TTC34: variants seen among roughly 807,000 people sequenced by gnomAD.
TTC34 encodes the protein tetratricopeptide repeat protein 34.
TTC34 carries 44 observed loss-of-function variants against 40.7 expected under a neutral mutation model. The ratio of observed to expected loss-of-function variants is 1.08; its 90% CI spans 0.85 to 1.39. The LOEUF (loss-of-function observed/expected upper bound fraction) is 1.39. Ranked by LOEUF, TTC34 falls within the 40% of genes most tolerant of loss-of-function variation. TTC34 has a pLI of 0.00. For missense variants in TTC34, 884 were observed against 838.0 expected (o/e 1.05, Z -0.68); for synonymous variants, 422 against 398.6 (o/e 1.06, Z -0.70).
At chr1:2,778,950 A>G (rs1157787850) in intron 6 of TTC34, among the ~76,000 whole-genome samples, 1 of 151,850 alleles carries the variant, frequency 6.6e-6, no homozygotes, top group Non-Finnish European at 1.5e-5. Context: ...CCAGGCACCC[A>G]CCATTCTGCT....
Position 2,796,147 on chromosome 1 carries a change from C to A in TTC34, c.784+3897G>T, listed in dbSNP as rs1339587761. Reference sequence around the variant, plus strand: ...TCCGAATCCCCAAGCCTGTTGGGGCCTTGGTTTTGGGCTTCCAGCGTCCAG... The same window carrying A: ...TCCGAATCCCCAAGCCTGTTGGGGCATTGGTTTTGGGCTTCCAGCGTCCAG... On this transcript the variant is annotated intron_variant, in intron 2 of 8. Coordinates refer to ENST00000401095, the Ensembl canonical transcript of TTC34. This position sits in a 1 kb window ranked among gnomAD's most constrained non-coding sequence, Gnocchi z 4.5. Among the ~76,000 whole-genome samples the A allele has an allele frequency of 6.6e-6, 1 of 152,162 alleles. No individual in the cohort carries two copies. The highest frequency in any genetic ancestry group is 1.5e-5 in the Non-Finnish European group (1 of 68,032).
At chr1:2,653,684 C>G (rs1639233288) in intron 6 of TTC34, among the ~76,000 whole-genome samples, 1 of 152,042 alleles carries the variant, frequency 6.6e-6, no homozygotes, top group Admixed American at 6.5e-5. Flanking sequence ...GGAACAGCAC[C>G]CACACCCCCA....
At chr1:2,768,461 T>A (rs1201468470) in intron 6 of TTC34, among the ~76,000 whole-genome samples, 2 of 148,448 alleles carry the variant, frequency 1.3e-5, no homozygotes, top group African/African-American at 5.0e-5. Flanking sequence ...CCCCACAACT[T>A]CAAATAAGAA....
At chr1:2,799,996 G>A (rs376033013) in intron 2 of TTC34, 48 bp downstream of exon 2, 11 of 398,466 alleles carry the variant, frequency 2.8e-5, no homozygotes, top group South Asian at 2.6e-4. Flanking sequence ...AGGGAGTGGC[G>A]GGGGCAGCTT....
chr1:2,645,499 C>A lies in TTC34; in HGVS notation c.2291G>T (p.Arg764Leu), dbSNP rs575007693. The A allele has an allele frequency of 2.2e-5, 31 of 1,437,806 alleles. No homozygotes were observed. Among genetic ancestry groups the A allele is most frequent in the Non-Finnish European group, 2.6e-5 (28 of 1,090,992 alleles). The allele number at this position is 1,437,806 out of a possible 1,614,324, so 89.1% of individuals were successfully genotyped here. A position where few individuals can be genotyped will look rare whatever the true frequency, so the allele number is the denominator to read the frequency against. The change falls in exon 7 of 9, where the codon CGC becomes CTC. Residue 764 changes from arginine to leucine, a missense_variant. By Grantham distance (102) the Arg-to-Leu change is moderately radical (BLOSUM62 -2). Coordinates refer to ENST00000401095, the Ensembl canonical transcript of TTC34. This position sits in a 1 kb window ranked among gnomAD's most constrained non-coding sequence, Gnocchi z 4.7. ...GGCCTGGGCTTCCGGCTTCAGAGAGCGGAGCTCAGGGACCACAGTCCCGGG... is the reference window on the plus strand; with the variant it reads ...GGCCTGGGCTTCCGGCTTCAGAGAGAGGAGCTCAGGGACCACAGTCCCGGG...
chr1:2,749,437 C>T (rs1641245032), intron 6 of TTC34, among the ~76,000 whole-genome samples: 3 of 142,794 alleles, frequency 2.1e-5, no homozygotes, highest in African/African-American at 5.3e-5. Context: ...TGGAACAGCA[C>T]CGACACCCCC....
At chr1:2,794,181 A>T (rs1308490554) in intron 2 of TTC34, among the ~76,000 whole-genome samples, 6 of 151,788 alleles carry the variant, frequency 4.0e-5, no homozygotes, top group East Asian at 3.9e-4. Flanking sequence ...TATTTTAAAA[A>T]TTTTTTGTAG....
At chr1:2,752,991 G>C (rs1188257959) in intron 6 of TTC34, among the ~76,000 whole-genome samples, 40 of 108,130 alleles carry the variant, frequency 3.7e-4, no homozygotes, top group African/African-American at 1.4e-3. Flanking sequence ...GTGAGCATCT[G>C]ACCGCATGGA....
intron 6 of TTC34, among the ~76,000 whole-genome samples, chr1:2,750,915 C>T: frequency 1.3e-5 from 1 of 79,928 alleles, no homozygotes; most frequent in Non-Finnish European, 2.3e-5. Context: ...ACGCACGGAG[C>T]AGCACCCACA....
At chr1:2,789,812 G>A in exon 3 of TTC34, 1 of 458,214 alleles carries the variant, frequency 2.2e-6, no homozygotes, top group East Asian at 3.6e-5. Context: ...CTCCACTACC[G>A]TCTGGAAGTC....
At chr1:2,684,832 C>G (rs1463237113) in intron 6 of TTC34, among the ~76,000 whole-genome samples, 2 of 117,324 alleles carry the variant, frequency 1.7e-5, no homozygotes, top group Admixed American at 1.7e-4. Flanking sequence ...CAGCAGCACC[C>G]CACACCCACA....
chr1:2,641,195 G>T, exon 9 of TTC34: 1 of 586,198 alleles, frequency 1.7e-6, no homozygotes, highest in Non-Finnish European at 2.7e-6. Flanking sequence ...TTGGGAAGGG[G>T]GGTTGTGGGG....
chr1:2,752,172 A>AGC (rs1641340995), intron 6 of TTC34, among the ~76,000 whole-genome samples: 4 of 100,206 alleles, frequency 4.0e-5, no homozygotes, highest in African/African-American at 4.9e-5. Context: ...ACCCACACCA[A>AGC]CAGGTGAGCA....
At chr1:2,695,695 A>G (rs1386155871) in intron 6 of TTC34, among the ~76,000 whole-genome samples, 2 of 147,404 alleles carry the variant, frequency 1.4e-5, no homozygotes, top group Admixed American at 6.7e-5. Flanking sequence ...AGCATCTGAC[A>G]GCCTGGAACA....
At chr1:2,792,006 C>CTTTTTTGTTTTTTTTTT (rs1643668279) in intron 2 of TTC34, among the ~76,000 whole-genome samples, 3 of 39,560 alleles carry the variant, frequency 7.6e-5, no homozygotes, top group African/African-American at 2.5e-4. Flanking sequence ...TTGCCATATG[C>CTTTTTTGTTTTTTTTTT]TTTTTTTTTT....
intron 6 of TTC34, among the ~76,000 whole-genome samples, chr1:2,750,384 A>G (rs1324639627): frequency 3.4e-4 from 37 of 110,132 alleles, no homozygotes; most frequent in South Asian, 1.7e-3. Context: ...AGCATCTGAC[A>G]GCCTGGAACA....
At chr1:2,783,848 CGG>C in intron 5 of TTC34, 73 bp from the exon 6 acceptor site, 1 of 1,325,832 alleles carries the variant, frequency 7.5e-7, no homozygotes, top group Non-Finnish European at 9.8e-7. Flanking sequence ...CTGCCCAGCC[CGG>C]GGAGGGCAGA....
chr1:2,645,215 C>A lies in TTC34; in HGVS notation c.2497+78G>T. 1 of 1,358,104 alleles carries A rather than the reference C, an allele frequency of 7.4e-7. No homozygotes were observed. The highest frequency in any genetic ancestry group is 1.8e-5 in the South Asian group (1 of 54,960). The allele number at this position is 1,358,104 out of a possible 1,614,324, so 84.1% of individuals were successfully genotyped here. A position where few individuals can be genotyped will look rare whatever the true frequency, so the allele number is the denominator to read the frequency against. ...TCCGGGTCTCTTTCTTCCATTTTTA[C>A]AGAACAGGATACAGAGGTCAGAGGA... On this transcript the variant is annotated intron_variant, in intron 7 of 8. Transcript: ENST00000401095. This position sits in a 1 kb window ranked among gnomAD's most constrained non-coding sequence, Gnocchi z 4.7.
At chr1:2,641,614 C>T in exon 9 of TTC34, 23 of 1,534,406 alleles carry the variant, frequency 1.5e-5, no homozygotes, top group Non-Finnish European at 2.0e-5. Context: ...GGGCAAAGGC[C>T]CCTGCGGCCG....
Sources: allele counts gnomAD v4.1 joint callset (sites outside exome capture counted in the v4.1 genomes callset), GRCh38; gene constraint gnomAD v4.1.1; non-coding constraint Gnocchi (gnomAD v3.1); transcripts MANE v1.5; gene names NCBI Gene and HGNC (gene_info 2026-07-23, HGNC 2026-07-21).